The following CSMD1 variants were observed in gnomAD, a reference collection of about 807,000 sequenced individuals.
CSMD1 encodes the protein CUB and Sushi multiple domains 1, also known as CUB and sushi domain-containing protein 1.
CSMD1 carries 213 observed loss-of-function variants against 417.5 expected under a neutral mutation model. The observed-to-expected ratio is 0.51, with a 90% CI of 0.46 to 0.57. CSMD1 has a LOEUF of 0.57. Ranked by LOEUF, CSMD1 falls within the 20% of genes least tolerant of loss-of-function variation. The pLI is 0.00. For missense variants in CSMD1, 6,923 were observed against 4,529.7 expected, an observed-to-expected ratio of 1.53 and a Z score of -15.17; for synonymous variants, 2,862 against 1,736.8, an observed-to-expected ratio of 1.65 and a Z score of -16.11.
At chr8:3,164,884 G>C (rs1820114190) in intron 37 of CSMD1, among the ~76,000 whole-genome samples, 2 of 151,788 alleles carry the variant, frequency 1.3e-5, no homozygotes, top group South Asian at 2.1e-4. Context: ...ATTATATATT[G>C]ATTTATATGC....
Position 2,968,726 on chromosome 8 carries a change from T to C in CSMD1, c.8924-1980A>G, listed in dbSNP as rs560043268. 4.9e-4 allele frequency among the ~76,000 whole-genome samples: 74 copies of C among 151,936 alleles called. 1 individual carries two copies. Among genetic ancestry groups the C allele is most frequent in the African/African-American group, 1.8e-3 (73 of 41,466 alleles). The stretch of plus-strand genomic sequence containing the variant: ...CAGGACTAAGACTAAAACAAAACAA[T>C]AGATTAAATTTAGAGGAGAAAAAAG... On this transcript the variant is annotated intron_variant, in intron 57 of 69. Coordinates refer to ENST00000635120, the MANE Select transcript of CSMD1 (RefSeq NM_033225.6).
chr8:4,631,129 G>A (rs370096051), intron 2 of CSMD1, among the ~76,000 whole-genome samples: 20 of 152,230 alleles, frequency 1.3e-4, no homozygotes, highest in Middle Eastern at 3.4e-3. Context: ...TTGGGAGGCC[G>A]AGGCGGGTGG....
At chr8:3,167,663 T>C (rs2129042484) in intron 37 of CSMD1, among the ~76,000 whole-genome samples, 1 of 152,342 alleles carries the variant, frequency 6.6e-6, no homozygotes, top group Non-Finnish European at 1.5e-5. Flanking sequence ...TTAAACCCCA[T>C]GAATCCAGCC....
chr8:4,215,267 A>G (rs2128804504), intron 3 of CSMD1, among the ~76,000 whole-genome samples: 1 of 152,278 alleles, frequency 6.6e-6, no homozygotes, highest in African/African-American at 2.4e-5. Context: ...TCATAGCCAA[A>G]TGCTGTACTT....
At chr8:4,191,632 C>G (rs1183867313) in intron 3 of CSMD1, among the ~76,000 whole-genome samples, 1 of 149,972 alleles carries the variant, frequency 6.7e-6, no homozygotes, top group African/African-American at 2.5e-5. Context: ...CTACAAGATA[C>G]ATTGAAAGAA....
intron 1 of CSMD1, among the ~76,000 whole-genome samples, chr8:4,663,152 C>G (rs1458887130): frequency 2.0e-5 from 3 of 152,176 alleles, no homozygotes; most frequent in Non-Finnish European, 4.4e-5. Flanking sequence ...GTCATTTCCT[C>G]TGGAAACCCA....
intron 16 of CSMD1, among the ~76,000 whole-genome samples, chr8:3,398,378 T>C (rs187850443): frequency 5.3e-5 from 8 of 152,284 alleles, no homozygotes; most frequent in Admixed American, 2.6e-4. Flanking sequence ...TTCTAAGAGA[T>C]TGTGCTATTG....
chr8:4,444,205 G>C (rs977330788), intron 2 of CSMD1, among the ~76,000 whole-genome samples: 4 of 151,834 alleles, frequency 2.6e-5, no homozygotes, highest in African/African-American at 9.7e-5. Context: ...AGCCAGGCAT[G>C]GTGGCACAGA....
At chr8:4,966,921 G>T (rs1295868627) in intron 1 of CSMD1, among the ~76,000 whole-genome samples, 1 of 152,034 alleles carries the variant, frequency 6.6e-6, no homozygotes, top group South Asian at 2.1e-4. Context: ...CTGAAGCATT[G>T]GCAATCCAGT....
intron 1 of CSMD1, among the ~76,000 whole-genome samples, chr8:4,943,875 G>A (rs909438297): frequency 6.6e-5 from 10 of 152,180 alleles, no homozygotes; most frequent in African/African-American, 2.2e-4. Flanking sequence ...AAGTGTAAGA[G>A]CCCAAAACGC....
chr8:4,264,811 T>G (rs1804137983), intron 3 of CSMD1, among the ~76,000 whole-genome samples: 1 of 152,178 alleles, frequency 6.6e-6, no homozygotes, highest in Non-Finnish European at 1.5e-5. Context: ...TTCTTCTTGT[T>G]GTGCCTCATC....
chr8:3,949,607 G>T (rs951197767), intron 5 of CSMD1, among the ~76,000 whole-genome samples: 5 of 152,084 alleles, frequency 3.3e-5, no homozygotes, highest in African/African-American at 9.7e-5. Context: ...ACATGAGGGT[G>T]GGTGGTTTGT....
intron 26 of CSMD1, among the ~76,000 whole-genome samples, chr8:3,273,368 A>C (rs1019742350): frequency 1.8e-4 from 28 of 152,116 alleles, no homozygotes; most frequent in African/African-American, 6.8e-4. Flanking sequence ...ATCAATGTTC[A>C]TCAAGGATAT....
intron 3 of CSMD1, among the ~76,000 whole-genome samples, chr8:4,387,369 T>C (rs902495826): frequency 6.6e-6 from 1 of 152,028 alleles, no homozygotes; most frequent in East Asian, 1.9e-4. Flanking sequence ...GCAAATTTCT[T>C]CTTATGTGTT....
intron 5 of CSMD1, among the ~76,000 whole-genome samples, chr8:3,865,548 G>C (rs1252944828): frequency 6.6e-6 from 1 of 152,036 alleles, no homozygotes; most frequent in Non-Finnish European, 1.5e-5. Flanking sequence ...GAGGGACCAA[G>C]CAGGCACGTA....
At chr8:3,925,059 C>A (rs1277220925) in intron 5 of CSMD1, among the ~76,000 whole-genome samples, 1 of 152,186 alleles carries the variant, frequency 6.6e-6, no homozygotes, top group Non-Finnish European at 1.5e-5. Context: ...GTCTCTGCAT[C>A]TGTTCTATGG....
chr8:4,129,054 T>TCAAAAAAAACTCC (rs1802933702), intron 3 of CSMD1, among the ~76,000 whole-genome samples: 4 of 133,846 alleles, frequency 3.0e-5, no homozygotes, highest in African/African-American at 1.2e-4. Flanking sequence ...CCAGCGTGGT[T>TCAAAAAAAACTCC]ACAGAGTGAG....
chr8:2,988,631 T>G (rs907201160), intron 54 of CSMD1, among the ~76,000 whole-genome samples: 1 of 152,220 alleles, frequency 6.6e-6, no homozygotes, highest in Non-Finnish European at 1.5e-5. Flanking sequence ...TTCCTTCTTA[T>G]GACATCTTCA....
At chr8:4,739,895 C>T (rs376440930) in intron 1 of CSMD1, among the ~76,000 whole-genome samples, 27 of 152,156 alleles carry the variant, frequency 1.8e-4, no homozygotes, top group African/African-American at 6.3e-4. Flanking sequence ...GCATTGACAG[C>T]CGTTTCTCCA....
Sources: gnomAD v4.1 joint callset for allele counts (sites outside exome capture counted in the v4.1 genomes callset) on GRCh38, gnomAD v4.1.1 for gene constraint, MANE v1.5 for transcripts, NCBI Gene and HGNC (gene_info 2026-07-23, HGNC 2026-07-21) for gene names.